Variants in HMGN2 observed in about 807,000 individuals in gnomAD.
HMGN2 encodes the protein non-histone chromosomal protein HMG-17.
In HMGN2, 2 loss-of-function variants were observed where a neutral mutation model predicts 16.9. That is an observed-to-expected ratio of 0.12 (90% CI 0.05 to 0.37). The LOEUF is 0.37. HMGN2 is among the 10% of genes least tolerant of loss of function. The probability of loss-of-function intolerance (pLI) is 1.00; values close to 1 mark genes in which losing one functional copy is unlikely to be tolerated. For synonymous variants in HMGN2, 31 were observed against 34.9 expected, an observed-to-expected ratio of 0.89 and a Z score of 0.39; for missense variants, 90 against 106.0, an observed-to-expected ratio of 0.85 and a Z score of 0.66.
Position 26,476,046 on chromosome 1 carries a change from C to T in HMGN2, c.*898C>T. On this transcript the variant is annotated 3_prime_UTR_variant, in exon 6 of 6. Coordinates refer to ENST00000361427, the MANE Select transcript of HMGN2 (RefSeq NM_005517.4). ...GTCTCTTGGAACAGGGTACGTTCTG[C>T]TTTGAGGTACTCCATGTACAGTCTA... The T allele has an allele frequency of 3.8e-6, 1 of 261,702 alleles. No homozygotes were observed. Among genetic ancestry groups the T allele is most frequent in the Non-Finnish European group, 7.5e-6 (1 of 132,820 alleles). 16.2% of individuals were successfully genotyped at this position (261,702 alleles called of 1,614,324 possible).
At chr1:26,473,919 T>G in intron 3 of HMGN2, 166 bp from the exon 4 acceptor site, 1 of 790,288 alleles carries the variant, frequency 1.3e-6, no homozygotes, top group South Asian at 1.8e-5. Flanking sequence ...GTGGGACATT[T>G]GAGTGGGCTT....
intron 5 of HMGN2, 127 bp downstream of exon 5, chr1:26,474,794 C>G (rs1161153032): frequency 3.1e-6 from 2 of 650,066 alleles, no homozygotes; most frequent in Non-Finnish European, 5.5e-6. Context: ...TGTGGCTTTC[C>G]TGTTAACTTA....
At chr1:26,473,248 TGCGG>T in intron 1 of HMGN2, 1 of 548,980 alleles carries the variant, frequency 1.8e-6, no homozygotes, top group Non-Finnish European at 3.2e-6. Flanking sequence ...GTCGCGGTGG[TGCGG>T]GCTCCGCTGC....
chr1:26,475,231 C>A lies in HMGN2; in HGVS notation c.*83C>A. On this transcript the variant is annotated 3_prime_UTR_variant, in exon 6 of 6. Transcript: ENST00000361427. ...TTTTTTATCAAGTTTTATAAAAATG[C>A]AGAATTTTGTTTTACTTTTTTTTTT... The A allele has an allele frequency of 3.2e-6, 3 of 940,004 alleles. No individual in the cohort carries two copies. The highest frequency in any genetic ancestry group is 2.3e-5 in the Admixed American group (1 of 43,708). 58.2% of individuals were successfully genotyped at this position (940,004 alleles called of 1,614,324 possible). A position where few individuals can be genotyped will look rare whatever the true frequency, so the allele number is the denominator to read the frequency against.
At chr1:26,473,383 G>GT (rs2075588701) in intron 1 of HMGN2, 100 bp from the exon 2 acceptor site, 1 of 859,478 alleles carries the variant, frequency 1.2e-6, no homozygotes, top group Admixed American at 2.1e-5. Context: ...GAAAAGTTGT[G>GT]TGGACGACTG....
chr1:26,472,654 CG>C, intron 1 of HMGN2, 27 bp downstream of exon 1: 4 of 1,524,998 alleles, frequency 2.6e-6, no homozygotes, highest in Non-Finnish European at 3.5e-6. Context: ...CCCCAGGCGC[CG>C]GGCCACCACT....
chr1:26,472,546 C>T lies in HMGN2; in HGVS notation c.-67C>T, dbSNP rs1294058510. 8 of 1,531,902 alleles carry T rather than the reference C, an allele frequency of 5.2e-6. No individual in the cohort carries two copies. The highest frequency in any genetic ancestry group is 1.4e-5 in the African/African-American group (1 of 72,642). The allele number at this position is 1,531,902 out of a possible 1,614,324, so 94.9% of individuals were successfully genotyped here. A position where few individuals can be genotyped will look rare whatever the true frequency, so the allele number is the denominator to read the frequency against. On this transcript the variant is annotated 5_prime_UTR_variant, in exon 1 of 6. Coordinates refer to ENST00000361427, the MANE Select transcript of HMGN2 (RefSeq NM_005517.4). The stretch of plus-strand genomic sequence containing the variant: ...GAGGCGAGAACGACCCCCGGACCGA[C>T]CAAAGCCCGCGCGCCGCTGCATCCC...
In HMGN2 at chr1:26,473,378, G is replaced by A. The variant is rs2075588673; in HGVS notation, c.16-105G>A. Reference sequence around the variant, plus strand: ...GCTCACTCATTTATGTCCTAGAAAAGTTGTGTGGACGACTGCTTTAATTTT... The same window carrying A: ...GCTCACTCATTTATGTCCTAGAAAAATTGTGTGGACGACTGCTTTAATTTT... On this transcript the variant is annotated intron_variant, in intron 1 of 5. Coordinates refer to ENST00000361427, the MANE Select transcript of HMGN2 (RefSeq NM_005517.4). The A allele has an allele frequency of 1.7e-5, 14 of 821,392 alleles. No homozygotes were observed. In the East Asian group the frequency reaches 3.1e-4, roughly 18 times the overall value. 50.9% of individuals were successfully genotyped at this position (821,392 alleles called of 1,614,324 possible).
intron 1 of HMGN2, 116 bp from the exon 2 acceptor site, chr1:26,473,367 G>A (rs896400611): frequency 4.0e-6 from 3 of 749,580 alleles, no homozygotes; most frequent in Admixed American, 2.3e-5. Flanking sequence ...ACTCATTTAT[G>A]TCCTAGAAAA....
At chr1:26,475,008 G>A (rs1382288137) in intron 5 of HMGN2, 105 bp from the exon 6 acceptor site, 14 of 939,324 alleles carry the variant, frequency 1.5e-5, no homozygotes, top group Non-Finnish European at 2.0e-5. Flanking sequence ...CTCAGTACCT[G>A]AAACCTGAAC....
intron 1 of HMGN2, 137 bp downstream of exon 1, chr1:26,472,764 C>G (rs1046127287): frequency 1.5e-5 from 11 of 755,468 alleles, no homozygotes; most frequent in Admixed American, 3.2e-5. Flanking sequence ...GAGACGGTGT[C>G]GGGCAGCTCG....
intron 3 of HMGN2, 92 bp from the exon 4 acceptor site, chr1:26,473,991 TTC>T: frequency 9.2e-7 from 1 of 1,086,886 alleles, no homozygotes; most frequent in East Asian, 2.4e-5. Flanking sequence ...GAGGAGAAAC[TTC>T]TCTACCCTTG....
intron 1 of HMGN2, chr1:26,473,120 A>G (rs1186984895): frequency 7.7e-6 from 2 of 258,426 alleles, no homozygotes; most frequent in Non-Finnish European, 1.5e-5. Context: ...GCCGCCCACG[A>G]GTTCCCCGGG....
At chr1:26,474,033 T>G (rs1443101655) in intron 3 of HMGN2, 52 bp from the exon 4 acceptor site, 1 of 1,463,582 alleles carries the variant, frequency 6.8e-7, no homozygotes, top group African/African-American at 1.4e-5. Flanking sequence ...GGTGGTTTTC[T>G]TCAGTCCATT....
Position 26,475,711 on chromosome 1 carries a change from C to T in HMGN2, c.*563C>T, listed in dbSNP as rs573381052. On this transcript the variant is annotated 3_prime_UTR_variant, in exon 6 of 6. Transcript: ENST00000361427. ...CATTTTCATTTCACTTCCTGAAAGT[C>T]AGGGTCGGCTTGTGAAAAGTTGTTA... 671 of 303,074 alleles carry T rather than the reference C, an allele frequency of 2.2e-3. 5 individuals are homozygous for T. The highest frequency in any genetic ancestry group is 0.014 in the African/African-American group (632 of 44,282). 18.8% of individuals were successfully genotyped at this position (303,074 alleles called of 1,614,324 possible). A position where few individuals can be genotyped will look rare whatever the true frequency, so the allele number is the denominator to read the frequency against.
At chr1:26,474,952 C>A in intron 5 of HMGN2, 161 bp from the exon 6 acceptor site, 2 of 644,460 alleles carry the variant, frequency 3.1e-6, no homozygotes, top group East Asian at 2.7e-5. Flanking sequence ...GGAGAGGTGA[C>A]TTAGCAAAGT....
At chr1:26,472,821 A>G (rs1355003380) in intron 1 of HMGN2, among the ~76,000 whole-genome samples, 194 bp downstream of exon 1, 3 of 150,242 alleles carry the variant, frequency 2.0e-5, no homozygotes, top group East Asian at 4.1e-4. Flanking sequence ...CAGAGGCCAT[A>G]TTGGAGGAGC....
chr1:26,473,254 C>T (rs1370758413), intron 1 of HMGN2: 2 of 554,994 alleles, frequency 3.6e-6, no homozygotes, highest in Non-Finnish European at 3.2e-6. Context: ...GTGGTGCGGG[C>T]TCCGCTGCCC....
At chr1:26,473,270 G>T in intron 1 of HMGN2, 1 of 573,728 alleles carries the variant, frequency 1.7e-6, no homozygotes, top group Non-Finnish European at 3.1e-6. Context: ...TGCCCTCCCC[G>T]GCTGCGCTCC....
Sources: allele counts gnomAD v4.1 joint callset (sites outside exome capture counted in the v4.1 genomes callset), GRCh38; gene constraint gnomAD v4.1.1; transcripts MANE v1.5; gene names NCBI Gene and HGNC (gene_info 2026-07-23, HGNC 2026-07-21).